The following NEDD9 variants were observed in gnomAD, a reference collection of about 807,000 sequenced individuals.
NEDD9 encodes the protein enhancer of filamentation 1.
In NEDD9, 26 loss-of-function variants were observed where a neutral mutation model predicts 76.6. The observed-to-expected ratio is 0.34, with a 90% CI of 0.25 to 0.47. The LOEUF is 0.47. Ranked by LOEUF, NEDD9 falls within the 20% of genes least tolerant of loss-of-function variation. NEDD9 has a pLI of 1.00. For missense variants in NEDD9, 937 were observed against 1,058.5 expected (o/e 0.89, Z 1.59); for synonymous variants, 392 against 414.2 (o/e 0.95, Z 0.65).
chr6:11,197,826 T>C (rs1758327620), intron 2 of NEDD9, among the ~76,000 whole-genome samples: 1 of 152,230 alleles, frequency 6.6e-6, no homozygotes, highest in African/African-American at 2.4e-5. Context: ...TCATGCCTCA[T>C]AATTTTGAAA....
intron 3 of NEDD9, among the ~76,000 whole-genome samples, chr6:11,261,406 A>C (rs1760111630): frequency 6.6e-6 from 1 of 152,252 alleles, no homozygotes. Flanking sequence ...AGTGTATGTT[A>C]AAATCAGTCA....
chr6:11,191,213 G>A lies in NEDD9; in HGVS notation c.664-8C>T. 2 of 1,571,742 alleles carry A rather than the reference G, an allele frequency of 1.3e-6. No individual in the cohort carries two copies. The highest frequency in any genetic ancestry group is 1.2e-5 in the South Asian group (1 of 85,296). ...GGGCGGAATGGCATATACCTGCAAA[G>A]CAAGTAGAAAGCGAAATGCTATTTA... On this transcript the variant is annotated splice_region_variant and splice_polypyrimidine_tract_variant and intron_variant, in intron 4 of 6. Coordinates refer to ENST00000379446, the MANE Select transcript of NEDD9 (RefSeq NM_006403.4).
chr6:11,284,990 C>T (rs555409189), intron 3 of NEDD9, among the ~76,000 whole-genome samples: 1 of 152,190 alleles, frequency 6.6e-6, no homozygotes, highest in African/African-American at 2.4e-5. Flanking sequence ...CTGTGAATTT[C>T]CCAAGGTGAT....
intron 3 of NEDD9, among the ~76,000 whole-genome samples, chr6:11,258,017 A>G (rs1006532204): frequency 1.2e-4 from 19 of 152,340 alleles, no homozygotes; most frequent in African/African-American, 4.1e-4. Flanking sequence ...GAATATCCCC[A>G]AAGAGGCAAA....
intron 3 of NEDD9, among the ~76,000 whole-genome samples, chr6:11,304,726 T>C (rs921433283): frequency 6.6e-6 from 1 of 152,212 alleles, no homozygotes; most frequent in African/African-American, 2.4e-5. Flanking sequence ...AAACATTGCA[T>C]GTTCTCACTC....
intron 1 of NEDD9, among the ~76,000 whole-genome samples, chr6:11,338,307 C>G (rs1762205191): frequency 6.6e-6 from 1 of 152,154 alleles, no homozygotes; most frequent in South Asian, 2.1e-4. Context: ...CCAGCAAACA[C>G]CAGAAGTTAG....
At chr6:11,191,616 T>A (rs1758148154) in intron 4 of NEDD9, among the ~76,000 whole-genome samples, 1 of 152,184 alleles carries the variant, frequency 6.6e-6, no homozygotes, top group South Asian at 2.1e-4. Context: ...TCCCCTTGTC[T>A]GTAAAGTAGG....
In NEDD9 at chr6:11,191,251, A is replaced by C. The variant is rs541290152; in HGVS notation, c.664-46T>G. ...GAAATGCTATTTATTGAGTTGGCTC[A>C]TGGGAACCTGTGGTCCCATGTGCTC... On this transcript the variant is annotated intron_variant, in intron 4 of 6. Transcript: ENST00000379446. 8 of 1,526,988 alleles carry C rather than the reference A, an allele frequency of 5.2e-6. No homozygotes were observed. The African/African-American group carries it at 1.1e-4, about 21-fold the overall frequency. 94.6% of individuals were successfully genotyped at this position (1,526,988 alleles called of 1,614,324 possible).
At chr6:11,351,591 G>T (rs1054146872) in intron 1 of NEDD9, among the ~76,000 whole-genome samples, 1 of 152,186 alleles carries the variant, frequency 6.6e-6, no homozygotes, top group African/African-American at 2.4e-5. Context: ...TCAGAGGAAA[G>T]GAACATCCTT....
chr6:11,298,631 A>C (rs1760961131), intron 3 of NEDD9, among the ~76,000 whole-genome samples: 1 of 152,238 alleles, frequency 6.6e-6, no homozygotes, highest in Non-Finnish European at 1.5e-5. Context: ...TAGGTATAAA[A>C]AATGAGAAGA....
At chr6:11,282,626 T>G (rs1760556838) in intron 3 of NEDD9, among the ~76,000 whole-genome samples, 1 of 152,216 alleles carries the variant, frequency 6.6e-6, no homozygotes, top group Non-Finnish European at 1.5e-5. Flanking sequence ...TAACCAATTT[T>G]AGAGTCATTT....
intron 3 of NEDD9, among the ~76,000 whole-genome samples, chr6:11,256,123 A>G (rs1760002691): frequency 6.6e-6 from 1 of 152,134 alleles, no homozygotes; most frequent in African/African-American, 2.4e-5. Context: ...ATAACTGAAC[A>G]ACAGCAACTC....
chr6:11,344,891 G>A (rs1034203985), intron 1 of NEDD9, among the ~76,000 whole-genome samples: 3 of 152,126 alleles, frequency 2.0e-5, no homozygotes, highest in East Asian at 3.8e-4. Context: ...TGGAGATTGG[G>A]AACAGGTGTG....
At chr6:11,361,292 A>C (rs757427278) in intron 1 of NEDD9, among the ~76,000 whole-genome samples, 3 of 152,090 alleles carry the variant, frequency 2.0e-5, no homozygotes, top group Non-Finnish European at 4.4e-5. Flanking sequence ...TGCTATAAGG[A>C]AATGCCCGAG....
intron 3 of NEDD9, chr6:11,271,828 T>C (rs918474519): frequency 2.0e-5 from 3 of 152,236 alleles, no homozygotes; most frequent in African/African-American, 7.2e-5. Flanking sequence ...AGCCATTTTC[T>C]CCAGCTGTTG....
At chr6:11,214,459 G>A (rs551562368) in intron 1 of NEDD9, among the ~76,000 whole-genome samples, 4 of 152,110 alleles carry the variant, frequency 2.6e-5, no homozygotes, top group Non-Finnish European at 2.9e-5. Flanking sequence ...GCCCCTCCTC[G>A]CCCTCCCCTT....
At position 11,322,228 on chromosome 6, in the gene NEDD9, C is replaced by A. The variant is rs182882146; in HGVS notation, c.-153+12273G>T. ...CATTAGGACAAATATCTAATGCATG[C>A]GGGGCTTAAAACCTAGATGACGGGT... On this transcript the variant is annotated intron_variant, in intron 2 of 3. Transcript: ENST00000397378. 3.3e-5 allele frequency among the ~76,000 whole-genome samples: 5 copies of A among 152,124 alleles called. No homozygotes were observed. In the East Asian group the frequency reaches 9.6e-4, roughly 29 times the overall value.
At chr6:11,376,170 T>C (rs539822785) in intron 1 of NEDD9, among the ~76,000 whole-genome samples, 6 of 152,362 alleles carry the variant, frequency 3.9e-5, no homozygotes, top group Admixed American at 2.0e-4. Context: ...TATTTCTTTA[T>C]AGTGATGCAA....
At chr6:11,290,311 C>T (rs188558452) in intron 3 of NEDD9, among the ~76,000 whole-genome samples, 3 of 152,324 alleles carry the variant, frequency 2.0e-5, no homozygotes, top group Non-Finnish European at 2.9e-5. Context: ...TTCATTCCCC[C>T]CAAAGGCTGT....
Sources: allele counts gnomAD v4.1 joint callset (sites outside exome capture counted in the v4.1 genomes callset), GRCh38; gene constraint gnomAD v4.1.1; transcripts MANE v1.5; gene names NCBI Gene and HGNC (gene_info 2026-07-23, HGNC 2026-07-21).